SLC35F1: variants seen among roughly 807,000 people sequenced by gnomAD.
The protein encoded by SLC35F1 is solute carrier family 35 member F1, also known as chromosome 6 open reading frame 169.
Under a neutral mutation model 48.7 loss-of-function variants are expected in SLC35F1, and 14 were observed. That is an observed-to-expected ratio of 0.29 (90% CI 0.19 to 0.45). The LOEUF (loss-of-function observed/expected upper bound fraction) is 0.45. SLC35F1 is among the 20% of genes least tolerant of loss of function. SLC35F1 has a pLI of 1.00. For missense variants in SLC35F1, 404 were observed against 500.0 expected, an observed-to-expected ratio of 0.81 and a Z score of 1.83; for synonymous variants, 190 against 202.2, an observed-to-expected ratio of 0.94 and a Z score of 0.51.
At chr6:118,180,774 G>A (rs190447186) in intron 2 of SLC35F1, among the ~76,000 whole-genome samples, 83 of 152,024 alleles carry the variant, frequency 5.5e-4, no homozygotes, top group Non-Finnish European at 1.6e-4. Context: ...AGGGAGATGG[G>A]CACTAAAGAG....
At chr6:118,303,552 C>A (rs1283515202) in intron 7 of SLC35F1, among the ~76,000 whole-genome samples, 1 of 152,176 alleles carries the variant, frequency 6.6e-6, no homozygotes, top group Non-Finnish European at 1.5e-5. Flanking sequence ...CCTCCACCTT[C>A]CTTAGCATCA....
chr6:118,030,392 A>C (rs1203339279), intron 1 of SLC35F1, among the ~76,000 whole-genome samples: 3 of 152,100 alleles, frequency 2.0e-5, no homozygotes, highest in Non-Finnish European at 4.4e-5. Context: ...GCTCCTTCCC[A>C]CTACTTTGGC....
intron 2 of SLC35F1, among the ~76,000 whole-genome samples, chr6:118,230,391 T>C (rs763801695): frequency 2.6e-5 from 4 of 151,878 alleles, no homozygotes; most frequent in African/African-American, 9.7e-5. Flanking sequence ...CTGCATTGTT[T>C]GAAAAATTAG....
intron 1 of SLC35F1, among the ~76,000 whole-genome samples, chr6:118,023,212 AT>A (rs1295594239): frequency 2.0e-5 from 3 of 152,192 alleles, no homozygotes; most frequent in Non-Finnish European, 4.4e-5. Flanking sequence ...AAAGTAAGGT[AT>A]CTTAAAAGTC....
At position 118,053,979 on chromosome 6, in the gene SLC35F1, T is replaced by C. The variant is rs1191513627; in HGVS notation, c.174-100466T>C. On this transcript the variant is annotated intron_variant, in intron 1 of 7. Transcript: ENST00000360388. Reference sequence around the variant, plus strand: ...TATGCCACGTTGATAGCACTGAAATTTTCCGTTATTTTTTCTAATTTAACA... The same window carrying C: ...TATGCCACGTTGATAGCACTGAAATCTTCCGTTATTTTTTCTAATTTAACA... Among the ~76,000 whole-genome samples, 4 of 152,284 alleles carry C rather than the reference T, an allele frequency of 2.6e-5. No homozygotes were observed. In the East Asian group the frequency reaches 7.7e-4, roughly 29 times the overall value.
intron 3 of SLC35F1, among the ~76,000 whole-genome samples, chr6:118,263,985 G>A (rs189774596): frequency 1.7e-4 from 26 of 152,254 alleles, no homozygotes; most frequent in Admixed American, 1.4e-3. Flanking sequence ...CTAAAACATT[G>A]TCCAAAAAAT....
At chr6:117,988,535 C>G (rs1051996838) in intron 1 of SLC35F1, among the ~76,000 whole-genome samples, 1 of 152,112 alleles carries the variant, frequency 6.6e-6, no homozygotes, top group South Asian at 2.1e-4. Flanking sequence ...GCCCCTCAAC[C>G]GAGATGGTCC....
At chr6:118,036,976 T>C (rs190438837) in intron 1 of SLC35F1, among the ~76,000 whole-genome samples, 14 of 152,198 alleles carry the variant, frequency 9.2e-5, no homozygotes, top group Non-Finnish European at 1.9e-4. Context: ...TTGTAACATA[T>C]ATATTTGAGG....
intron 1 of SLC35F1, among the ~76,000 whole-genome samples, chr6:117,919,189 C>G (rs188015846): frequency 2.6e-5 from 4 of 152,220 alleles, no homozygotes; most frequent in Admixed American, 2.6e-4. Flanking sequence ...AGCCATCACA[C>G]CTGGTGATGA....
chr6:118,072,019 A>G (rs558717397), intron 1 of SLC35F1, among the ~76,000 whole-genome samples: 112 of 152,148 alleles, frequency 7.4e-4, no homozygotes, highest in Non-Finnish European at 9.4e-4. Context: ...TTATTTCTCT[A>G]TTTCTCTGAA....
chr6:118,146,771 T>G (rs1461420862), intron 1 of SLC35F1, among the ~76,000 whole-genome samples: 1 of 152,186 alleles, frequency 6.6e-6, no homozygotes, highest in Non-Finnish European at 1.5e-5. Context: ...CTGATTTGTT[T>G]CTCTGTGGCT....
intron 1 of SLC35F1, among the ~76,000 whole-genome samples, chr6:118,117,599 A>T (rs1471777315): frequency 6.6e-6 from 1 of 152,234 alleles, no homozygotes; most frequent in Non-Finnish European, 1.5e-5. Flanking sequence ...TATTATTCAC[A>T]TACAATAAAT....
intron 1 of SLC35F1, among the ~76,000 whole-genome samples, chr6:118,114,779 T>C (rs1317694757): frequency 6.6e-6 from 1 of 152,174 alleles, no homozygotes; most frequent in Admixed American, 6.6e-5. Context: ...GCCAGCATGG[T>C]TCTGCATTGA....
At chr6:118,099,127 A>G (rs569511776) in intron 1 of SLC35F1, among the ~76,000 whole-genome samples, 3 of 152,332 alleles carry the variant, frequency 2.0e-5, no homozygotes, top group Non-Finnish European at 2.9e-5. Flanking sequence ...GAATTGTGAC[A>G]TTTGAGCAGG....
intron 1 of SLC35F1, among the ~76,000 whole-genome samples, chr6:118,117,440 A>T (rs890295352): frequency 4.6e-5 from 7 of 152,210 alleles, no homozygotes; most frequent in Non-Finnish European, 5.9e-5. Context: ...AAATAGAAGG[A>T]AAATAAATGA....
intron 1 of SLC35F1, among the ~76,000 whole-genome samples, chr6:117,914,259 T>TA (rs919023520): frequency 5.5e-4 from 78 of 141,666 alleles, no homozygotes; most frequent in South Asian, 1.1e-3. Flanking sequence ...CTCTGAGGAT[T>TA]AAAAAAAAAA....
chr6:118,292,562 CT>C (rs774708551), intron 7 of SLC35F1, among the ~76,000 whole-genome samples: 59 of 152,228 alleles, frequency 3.9e-4, no homozygotes, highest in Non-Finnish European at 7.9e-4. Flanking sequence ...CTTTGAGCAG[CT>C]TTCTGGTCTG....
Position 117,953,880 on chromosome 6 carries a change from G to T in SLC35F1, c.173+45981G>T, listed in dbSNP as rs191521557. The stretch of plus-strand genomic sequence containing the variant: ...TTATTGTTAAAACTGGGATCATTTT[G>T]AGAGTGATAGAAAGGGAACATGAAT... On this transcript the variant is annotated intron_variant, in intron 1 of 7. Coordinates refer to ENST00000360388, the MANE Select transcript of SLC35F1 (RefSeq NM_001029858.4). Among the ~76,000 whole-genome samples the T allele has an allele frequency of 9.1e-3, 1,388 of 152,262 alleles. 11 individuals are homozygous for T. Among genetic ancestry groups the T allele is most frequent in the Non-Finnish European group, 0.013 (855 of 68,018 alleles).
intron 1 of SLC35F1, among the ~76,000 whole-genome samples, chr6:117,962,710 A>T (rs1753012381): frequency 6.6e-6 from 1 of 152,196 alleles, no homozygotes. Context: ...TGCAAGACTT[A>T]GGGTACTCCT....
Sources: gnomAD v4.1 joint callset for allele counts (sites outside exome capture counted in the v4.1 genomes callset) on GRCh38, gnomAD v4.1.1 for gene constraint, MANE v1.5 for transcripts, NCBI Gene and HGNC (gene_info 2026-07-23, HGNC 2026-07-21) for gene names.